The following XPO7 variants were observed in gnomAD, a reference collection of about 807,000 sequenced individuals.
XPO7 encodes the protein exportin 7, also known as exportin-7.
XPO7 carries 21 observed loss-of-function variants against 144.3 expected under a neutral mutation model. The observed-to-expected ratio is 0.15, with a 90% CI of 0.10 to 0.21. XPO7 has a LOEUF of 0.21. Among genes scored for constraint, XPO7 ranks in the 10% least tolerant of loss-of-function variants. The probability of loss-of-function intolerance (pLI) is 1.00; values close to 1 mark genes in which losing one functional copy is unlikely to be tolerated. For synonymous variants in XPO7, 580 were observed against 499.6 expected, an observed-to-expected ratio of 1.16 and a Z score of -2.15; for missense variants, 808 against 1,325.8, an observed-to-expected ratio of 0.61 and a Z score of 6.06.
intron 1 of XPO7, among the ~76,000 whole-genome samples, chr8:21,964,722 A>G (rs992400291): frequency 6.6e-6 from 1 of 152,222 alleles, no homozygotes; most frequent in Non-Finnish European, 1.5e-5. Flanking sequence ...TACCAGACTT[A>G]CCCTGCAGTA....
In XPO7 at chr8:21,991,982, A is replaced by G. The variant is rs1421819909; in HGVS notation, c.2148+8A>G. 2.5e-6 allele frequency: 4 copies of G among 1,608,530 alleles called. No individual in the cohort carries two copies. The highest frequency in any genetic ancestry group is 3.4e-6 in the Non-Finnish European group (4 of 1,176,520). On this transcript the variant is annotated splice_region_variant and intron_variant, in intron 19 of 27. Transcript: ENST00000252512. The stretch of plus-strand genomic sequence containing the variant: ...AACGAGCAGGAGGCAAAGGTGAGTG[A>G]GTCTTTCACCCAGTAATTAATCAGC...
chr8:21,990,953 A>G (rs1046599101), intron 18 of XPO7, 34 bp downstream of exon 18: 21 of 1,584,038 alleles, frequency 1.3e-5, no homozygotes, highest in Non-Finnish European at 1.7e-5. Flanking sequence ...TCATGAAGTC[A>G]TCTGGCACTC....
intron 19 of XPO7, among the ~76,000 whole-genome samples, chr8:21,993,782 T>G (rs1812843921): frequency 6.6e-6 from 1 of 152,146 alleles, no homozygotes; most frequent in African/African-American, 2.4e-5. Context: ...TAGACTCCCC[T>G]TTGTCTTCCT....
At chr8:21,931,846 A>T (rs1810661934) in intron 1 of XPO7, among the ~76,000 whole-genome samples, 1 of 152,280 alleles carries the variant, frequency 6.6e-6, no homozygotes, top group African/African-American at 2.4e-5. Flanking sequence ...CTTCTTTTTT[A>T]AAATCTTCTA....
chr8:21,987,685 T>C, intron 14 of XPO7, 99 bp from the exon 15 acceptor site: 2 of 1,343,770 alleles, frequency 1.5e-6, no homozygotes, highest in South Asian at 2.7e-5. Context: ...TTCTTGTCCA[T>C]TTTCTTCCAC....
intron 19 of XPO7, among the ~76,000 whole-genome samples, chr8:21,992,935 G>A (rs1812817457): frequency 6.6e-6 from 1 of 152,198 alleles, no homozygotes; most frequent in African/African-American, 2.4e-5. Context: ...CAGCTAGCCA[G>A]GGTATTGCCA....
chr8:21,931,192 T>C (rs1002687678), intron 1 of XPO7, among the ~76,000 whole-genome samples: 7 of 151,354 alleles, frequency 4.6e-5, no homozygotes, highest in Non-Finnish European at 8.8e-5. Context: ...AGACAGAGTC[T>C]CGCTCTGTTG....
chr8:21,971,792 G>A (rs1248246207), intron 4 of XPO7, 84 bp from the exon 5 acceptor site: 27 of 1,089,166 alleles, frequency 2.5e-5, no homozygotes, highest in Middle Eastern at 2.7e-4. Context: ...ACAGGAACCC[G>A]TCATTCGAAA....
rs1420821138 is a variant in XPO7 at position 22,005,420 on chromosome 8, T to C, written c.*332T>C. ...CCACAACCTGCCTTGTATAAACATG[T>C]ACATTTTTTCATAACATTTTGAACA... On this transcript the variant is annotated 3_prime_UTR_variant, in exon 28 of 28. Coordinates refer to ENST00000252512, the MANE Select transcript of XPO7 (RefSeq NM_015024.5). The C allele has an allele frequency of 5.1e-6, 1 of 196,522 alleles. No individual in the cohort carries two copies. The highest frequency in any genetic ancestry group is 1.2e-4 in the East Asian group (1 of 8,680). 12.2% of individuals were successfully genotyped at this position (196,522 alleles called of 1,614,324 possible).
chr8:21,999,070 A>T, intron 22 of XPO7, 21 bp from the exon 23 acceptor site: 3 of 1,613,612 alleles, frequency 1.9e-6, no homozygotes, highest in South Asian at 1.1e-5. Flanking sequence ...TTGAATAAAC[A>T]TATATGACAT....
chr8:21,974,646 T>C (rs781761622), intron 5 of XPO7, 24 bp from the exon 6 acceptor site: 3 of 1,513,388 alleles, frequency 2.0e-6, no homozygotes, highest in Non-Finnish European at 2.7e-6. Flanking sequence ...ATTCTTTGCA[T>C]TGGTTTCTTC....
intron 1 of XPO7, among the ~76,000 whole-genome samples, chr8:21,930,580 C>T (rs1458351898): frequency 3.3e-5 from 5 of 152,082 alleles, no homozygotes; most frequent in African/African-American, 4.8e-5. Flanking sequence ...ATAGATAAAG[C>T]TATATGTATG....
In XPO7 at chr8:21,970,129, GT is replaced by G. The variant is rs562946357; in HGVS notation, c.260-6del. The G allele has an allele frequency of 2.3e-5, 37 of 1,580,136 alleles. No homozygotes were observed. Among genetic ancestry groups the G allele is most frequent in the Admixed American group, 2.3e-4 (13 of 56,294 alleles). On this transcript the variant is annotated splice_polypyrimidine_tract_variant and intron_variant, in intron 3 of 27. Coordinates refer to ENST00000252512, the MANE Select transcript of XPO7 (RefSeq NM_015024.5). The stretch of plus-strand genomic sequence containing the variant: ...ATTATGTGGATTGGTTTTGTTTCTT[GT>G]TTTTTTTTAATAGGGAACTATGTGC...
Position 21,966,801 on chromosome 8 carries a change from G to C in XPO7, c.19-56G>C, listed in dbSNP as rs1357422899. The C allele has an allele frequency of 1.9e-6, 3 of 1,550,226 alleles. No individual in the cohort carries two copies. The African/African-American group carries it at 4.1e-5, about 21-fold the overall frequency. On this transcript the variant is annotated intron_variant, in intron 1 of 27. Coordinates refer to ENST00000252512, the MANE Select transcript of XPO7 (RefSeq NM_015024.5). ...TCTTTGTTTATTAATTTTAAGCACA[G>C]TTGCTTACATTTGTAGTAGGCTGAA...
At chr8:22,002,618 TGTTTACAAAACAGGAA>T (rs1196891263) in intron 25 of XPO7, among the ~76,000 whole-genome samples, 8 of 151,778 alleles carry the variant, frequency 5.3e-5, no homozygotes, top group African/African-American at 2.0e-4. Flanking sequence ...CTTGTGTTCC[TGTTTACAAAACAGGAA>T]GAAGAATGCA....
chr8:21,952,700 G>A (rs1353726240), intron 1 of XPO7, among the ~76,000 whole-genome samples: 1 of 152,296 alleles, frequency 6.6e-6, no homozygotes, highest in African/African-American at 2.4e-5. Flanking sequence ...GCTTGGTTAC[G>A]TTGGCTTTGA....
At chr8:21,927,375 A>G (rs972854089) in intron 1 of XPO7, among the ~76,000 whole-genome samples, 19 of 152,192 alleles carry the variant, frequency 1.2e-4, no homozygotes, top group Non-Finnish European at 2.4e-4. Context: ...CAGGGAGAGC[A>G]GAATGTTGTG....
At position 21,984,853 on chromosome 8, in the gene XPO7, G is replaced by A. The variant is rs184546080; in HGVS notation, c.1471+14G>A. 1.6e-4 allele frequency: 263 copies of A among 1,612,718 alleles called. No homozygotes were observed. The highest frequency in any genetic ancestry group is 2.5e-4 in the Admixed American group (15 of 60,002). On this transcript the variant is annotated intron_variant, in intron 12 of 27. Coordinates refer to ENST00000252512, the MANE Select transcript of XPO7 (RefSeq NM_015024.5). ...CAGTGCAGGAGGGTGAGTGTGCAGC[G>A]TGCTGGGAACTCTAGACCTGTGAGG...
rs781535288 is a variant in XPO7 at position 21,966,253 on chromosome 8, G to GT, written c.19-601dup. ...TTTTAAATTTGGAACCAAAGTAAGA[G>GT]TTTAAAGTGCAACAGAAGAGAGTCT... is the stretch of plus-strand genomic sequence containing the variant. On this transcript the variant is annotated intron_variant, in intron 1 of 27. Coordinates refer to ENST00000252512, the MANE Select transcript of XPO7 (RefSeq NM_015024.5). 4 of 778,700 alleles carry GT rather than the reference G, an allele frequency of 5.1e-6. No individual in the cohort carries two copies. The South Asian group carries it at 5.4e-5, about 11-fold the overall frequency. The allele number at this position is 778,700 out of a possible 1,614,324, so 48.2% of individuals were successfully genotyped here.
Sources: allele counts gnomAD v4.1 joint callset (sites outside exome capture counted in the v4.1 genomes callset), GRCh38; gene constraint gnomAD v4.1.1; transcripts MANE v1.5; gene names NCBI Gene and HGNC (gene_info 2026-07-23, HGNC 2026-07-21).